GTF3C1: variants seen among roughly 807,000 people sequenced by gnomAD.
The protein encoded by GTF3C1 is general transcription factor IIIC subunit 1.
Under a neutral mutation model 226.7 loss-of-function variants are expected in GTF3C1, and 57 were observed. That is an observed-to-expected ratio of 0.25 (90% confidence interval 0.20 to 0.31). The LOEUF (loss-of-function observed/expected upper bound fraction) is 0.31. Among genes scored for constraint, GTF3C1 ranks in the 10% least tolerant of loss-of-function variants. The pLI is 1.00. For synonymous variants in GTF3C1, 1,090 were observed against 1,084.8 expected, an observed-to-expected ratio of 1.00 and a Z score of -0.09; for missense variants, 2,217 against 2,776.1, an observed-to-expected ratio of 0.80 and a Z score of 4.53.
rs2087851622 is a variant in GTF3C1 at position 27,470,466 on chromosome 16, G to A, written c.4527-71C>T. ...GGAAGCCTTCATTTGGATGGACTATGAGCACGTCAAACCATTATGGTGAGA... is the reference window on the plus strand; with the variant it reads ...GGAAGCCTTCATTTGGATGGACTATAAGCACGTCAAACCATTATGGTGAGA... On this transcript the variant is annotated intron_variant, in intron 30 of 36. Transcript: ENST00000356183. The surrounding 1 kb of genome is among the most constrained non-coding windows in gnomAD (Gnocchi z 4.9). The A allele has an allele frequency of 1.6e-6, 2 of 1,227,714 alleles. No homozygotes were observed. Among genetic ancestry groups the A allele is most frequent in the African/African-American group, 1.5e-5 (1 of 66,648 alleles). 76.1% of individuals were successfully genotyped at this position (1,227,714 alleles called of 1,614,324 possible).
chr16:27,528,953 C>G (rs1167703395), intron 5 of GTF3C1, among the ~76,000 whole-genome samples: 3 of 152,120 alleles, frequency 2.0e-5, no homozygotes, highest in African/African-American at 7.2e-5. Context: ...TTCGCCAGAT[C>G]CTGGAAGGGT....
intron 6 of GTF3C1, among the ~76,000 whole-genome samples, chr16:27,520,276 G>A (rs1030949236): frequency 6.1e-4 from 93 of 152,038 alleles, no homozygotes; most frequent in African/African-American, 2.1e-3. Context: ...TAACACACCC[G>A]GCTAATTTTT....
chr16:27,469,381 G>A lies in GTF3C1; in HGVS notation c.4984C>T (p.Leu1662Phe). The A allele has an allele frequency of 1.2e-6, 2 of 1,612,602 alleles. No homozygotes were observed. The highest frequency in any genetic ancestry group is 1.1e-5 in the South Asian group (1 of 90,732). The change falls in exon 32 of 37, where the codon CTC (leucine) becomes TTC (phenylalanine). Residue 1662 changes from leucine to phenylalanine, a missense_variant. Coordinates refer to ENST00000356183, the MANE Select transcript of GTF3C1 (RefSeq NM_001520.4). The surrounding 1 kb of genome is among the most constrained non-coding windows in gnomAD (Gnocchi z 4.5). The part of the protein sequence containing the change: ...YSPGIVSTRN[L>F]NPNDSIVVNS... ...ACCACAATGCTGTCGTTGGGGTTGA[G>A]GTTGCGGGTGCTGACGATGCCGGGG...
chr16:27,468,018 T>C (rs993833260), intron 32 of GTF3C1, among the ~76,000 whole-genome samples: 4 of 150,280 alleles, frequency 2.7e-5, no homozygotes, highest in African/African-American at 7.4e-5. Flanking sequence ...TCATGGGAGG[T>C]GGTCAAAATA....
Position 27,511,658 on chromosome 16 carries a change from T to C in GTF3C1, c.1126+91A>G, listed in dbSNP as rs996627460. On this transcript the variant is annotated intron_variant, in intron 7 of 36. Coordinates refer to ENST00000356183, the MANE Select transcript of GTF3C1 (RefSeq NM_001520.4). ...ACTTCCCATTGTATTACATTCTCTA[T>C]AGCAGAGCTCTCTCTCGACATGTGG... 2.4e-5 allele frequency: 33 copies of C among 1,362,734 alleles called. No homozygotes were observed. In the East Asian group the frequency reaches 6.9e-4, roughly 28 times the overall value. The allele number at this position is 1,362,734 out of a possible 1,614,324, so 84.4% of individuals were successfully genotyped here. A position where few individuals can be genotyped will look rare whatever the true frequency, so the allele number is the denominator to read the frequency against.
At chr16:27,512,853 G>T (rs1309020423) in intron 6 of GTF3C1, among the ~76,000 whole-genome samples, 1 of 152,152 alleles carries the variant, frequency 6.6e-6, no homozygotes, top group Non-Finnish European at 1.5e-5. Flanking sequence ...TGAATAACTT[G>T]TCCAAGCTCC....
At chr16:27,544,842 A>T (rs1396594226) in intron 2 of GTF3C1, among the ~76,000 whole-genome samples, 1 of 152,196 alleles carries the variant, frequency 6.6e-6, no homozygotes, top group Non-Finnish European at 1.5e-5. Flanking sequence ...CCCAGTGAAG[A>T]AGGCGAATGA....
chr16:27,538,168 C>T lies in GTF3C1; in HGVS notation c.608+12G>A. On this transcript the variant is annotated intron_variant, in intron 3 of 36. Transcript: ENST00000356183. The stretch of plus-strand genomic sequence containing the variant: ...TATAATTTAAAGCAGAGAAGCAAAT[C>T]CCCCCACTTACTTGAAAGCAGTGGT... The T allele has an allele frequency of 6.6e-7, 1 of 1,522,558 alleles. No individual in the cohort carries two copies. The highest frequency in any genetic ancestry group is 1.3e-5 in the South Asian group (1 of 79,980). The allele number at this position is 1,522,558 out of a possible 1,614,324, so 94.3% of individuals were successfully genotyped here.
In GTF3C1 at chr16:27,534,232, T is replaced by C. The variant is rs569196495; in HGVS notation, c.753-845A>G. Among the ~76,000 whole-genome samples the C allele has an allele frequency of 3.9e-5, 6 of 152,324 alleles. No individual in the cohort carries two copies. In the South Asian group the frequency reaches 1.2e-3, roughly 32 times the overall value. The stretch of plus-strand genomic sequence containing the variant: ...CATCTCATTTCTACCGTGAAGCGGA[T>C]GTCATGATCAATGCTTCCAAGCTAA... On this transcript the variant is annotated intron_variant, in intron 4 of 36. Coordinates refer to ENST00000356183, the MANE Select transcript of GTF3C1 (RefSeq NM_001520.4).
chr16:27,499,720 A>G (rs899739273), intron 12 of GTF3C1, among the ~76,000 whole-genome samples: 56 of 152,200 alleles, frequency 3.7e-4, no homozygotes, highest in African/African-American at 1.4e-3. Context: ...AACATTTCAG[A>G]GAATTCAAAG....
chr16:27,478,863 A>G (rs2087995081), intron 27 of GTF3C1, among the ~76,000 whole-genome samples: 2 of 152,024 alleles, frequency 1.3e-5, no homozygotes, highest in Non-Finnish European at 2.9e-5. Context: ...AAAAAAAAAA[A>G]AAAGCACAAG....
Position 27,512,698 on chromosome 16 carries a change from G to A in GTF3C1, c.974-797C>T, listed in dbSNP as rs144221130. On this transcript the variant is annotated intron_variant, in intron 6 of 36. Coordinates refer to ENST00000356183, the MANE Select transcript of GTF3C1 (RefSeq NM_001520.4). ...AAAAAAATAACAAACTTGTGCCTACGGCTATAACGAGAGAAAGATATACGT... is the reference window on the plus strand; with the variant it reads ...AAAAAAATAACAAACTTGTGCCTACAGCTATAACGAGAGAAAGATATACGT... Among the ~76,000 whole-genome samples the A allele has an allele frequency of 3.3e-4, 51 of 152,254 alleles. 1 individual carries two copies. The highest frequency in any genetic ancestry group is 9.1e-4 in the African/African-American group (38 of 41,536).
chr16:27,487,927 A>AT (rs538924701), intron 23 of GTF3C1, among the ~76,000 whole-genome samples: 2,876 of 152,290 alleles, frequency 0.019, 48 homozygotes, highest in Non-Finnish European at 0.028. Flanking sequence ...TGTTGCTGAC[A>AT]TTTTTTTCAG....
chr16:27,521,171 C>A (rs115304785), intron 6 of GTF3C1, among the ~76,000 whole-genome samples: 3 of 152,258 alleles, frequency 2.0e-5, no homozygotes, highest in African/African-American at 7.2e-5. Flanking sequence ...AGTCCCTGCA[C>A]TGGCCCCATG....
At chr16:27,484,475 C>T in intron 24 of GTF3C1, 122 bp from the exon 25 acceptor site, 1 of 654,664 alleles carries the variant, frequency 1.5e-6, no homozygotes, top group Non-Finnish European at 2.7e-6. Flanking sequence ...AGAATCCCCA[C>T]AACTGTCACC....
At position 27,508,638 on chromosome 16, in the gene GTF3C1, T is replaced by C. The variant is rs748784448; in HGVS notation, c.1144A>G (p.Lys382Glu). The C allele has an allele frequency of 1.2e-6, 2 of 1,614,092 alleles. No individual in the cohort carries two copies. Among genetic ancestry groups the C allele is most frequent in the Non-Finnish European group, 1.7e-6 (2 of 1,179,898 alleles). ...TYDLIERRGT[K>E]GISQAEIRVA... ...CGGATTTCAGCTTGGGAAATTCCTTTCGTGCCTCTGCGCTCAACTGTGAGA... is the reference window on the plus strand; with the variant it reads ...CGGATTTCAGCTTGGGAAATTCCTTCCGTGCCTCTGCGCTCAACTGTGAGA... Residue 382 changes from lysine (K) to glutamate (E), a missense_variant, in exon 8 of 37, where the codon AAA (lysine) becomes GAA (glutamate). Physicochemically the swap from Lys to Glu is moderately conservative, Grantham distance 56 (BLOSUM62 1). This residue lies in a region of GTF3C1 where 163 missense variants were observed against 234.3 expected (regional missense o/e 0.70). Coordinates refer to ENST00000356183, the MANE Select transcript of GTF3C1 (RefSeq NM_001520.4).
At chr16:27,479,928 C>A (rs1452246244) in intron 27 of GTF3C1, among the ~76,000 whole-genome samples, 2 of 152,006 alleles carry the variant, frequency 1.3e-5, no homozygotes, top group African/African-American at 4.8e-5. Context: ...TGGCCGGGTG[C>A]GGTGGCTCAT....
intron 32 of GTF3C1, among the ~76,000 whole-genome samples, chr16:27,467,062 G>A (rs956567730): frequency 1.3e-5 from 2 of 152,248 alleles, no homozygotes; most frequent in African/African-American, 4.8e-5. Flanking sequence ...GCTGAGATCA[G>A]TAATGAAGGT....
At chr16:27,468,486 C>G (rs1166548072) in intron 32 of GTF3C1, among the ~76,000 whole-genome samples, 1 of 151,762 alleles carries the variant, frequency 6.6e-6, no homozygotes, top group Non-Finnish European at 1.5e-5. Context: ...GTGGCACATG[C>G]CTATAGTCCA....
Sources: gnomAD v4.1 joint callset for allele counts (sites outside exome capture counted in the v4.1 genomes callset) on GRCh38, gnomAD v4.1.1 for gene constraint, gnomAD v4.1.1 regional missense constraint, Gnocchi (gnomAD v3.1) non-coding constraint, MANE v1.5 for transcripts, NCBI Gene and HGNC (gene_info 2026-07-23, HGNC 2026-07-21) for gene names.